TMEM132C: variants seen among roughly 807,000 people sequenced by gnomAD.
TMEM132C encodes the protein transmembrane protein 132C.
TMEM132C carries 29 observed loss-of-function variants against 61.4 expected under a neutral mutation model. The observed-to-expected ratio is 0.47, with a 90% CI of 0.35 to 0.64. The LOEUF is 0.64. Among genes scored for constraint, TMEM132C ranks in the 30% least tolerant of loss-of-function variants. The pLI is 0.00. For missense variants in TMEM132C, 1,408 were observed against 1,476.9 expected (o/e 0.95, Z 0.76); for synonymous variants, 656 against 633.1 (o/e 1.04, Z -0.54).
intron 2 of TMEM132C, among the ~76,000 whole-genome samples, chr12:128,530,547 G>T (rs947986445): frequency 6.6e-6 from 1 of 151,812 alleles, no homozygotes; most frequent in Non-Finnish European, 1.5e-5. Flanking sequence ...TTGTTCAAGC[G>T]CTTCTCCTGC....
In TMEM132C at chr12:128,598,959, A is replaced by G. The variant is rs150384272; in HGVS notation, c.1122-17193A>G. 2.0e-3 allele frequency among the ~76,000 whole-genome samples: 298 copies of G among 151,912 alleles called. 1 individual carries two copies. Among genetic ancestry groups the G allele is most frequent in the Middle Eastern group, 3.4e-3 (1 of 292 alleles). On this transcript the variant is annotated intron_variant, in intron 3 of 8. Coordinates refer to ENST00000435159, the MANE Select transcript of TMEM132C (RefSeq NM_001136103.3). ...TCGTTGAGTGATCCCTGCAAACTAC[A>G]TTTTCCGGACCCCTTGCCAACTGGA... is the stretch of plus-strand genomic sequence containing the variant.
At chr12:128,316,100 CA>C (rs1164681262) in intron 1 of TMEM132C, among the ~76,000 whole-genome samples, 6 of 151,846 alleles carry the variant, frequency 4.0e-5, no homozygotes, top group Non-Finnish European at 8.8e-5. Flanking sequence ...ATCCCCCAAG[CA>C]GGAGAAAGGA....
intron 1 of TMEM132C, among the ~76,000 whole-genome samples, chr12:128,386,491 C>G (rs1874586658): frequency 6.6e-6 from 1 of 152,194 alleles, no homozygotes; most frequent in Non-Finnish European, 1.5e-5. Context: ...CAAACCCAGA[C>G]CCTGCCTGGT....
chr12:128,465,939 C>A (rs534479354), intron 2 of TMEM132C, among the ~76,000 whole-genome samples: 76 of 152,020 alleles, frequency 5.0e-4, no homozygotes, highest in African/African-American at 1.6e-3. Context: ...TAAGGGAAGG[C>A]GAGTGAAGCA....
intron 3 of TMEM132C, among the ~76,000 whole-genome samples, chr12:128,550,781 T>C (rs1874147345): frequency 2.6e-5 from 4 of 152,234 alleles, no homozygotes; most frequent in Admixed American, 1.3e-4. Flanking sequence ...TGGGGTTGGC[T>C]CTGTCATCCT....
rs1868733018 is a variant in TMEM132C, at chr12:128,415,334, T to C, written c.688T>C (p.Tyr230His). The C allele has an allele frequency of 2.5e-6, 4 of 1,586,584 alleles. No individual in the cohort carries two copies. The highest frequency in any genetic ancestry group is 1.7e-4 in the Middle Eastern group (1 of 6,054). Residue 230 changes from tyrosine (Y) to histidine (H), a missense_variant, in exon 2 of 9, where the codon TAC becomes CAC. Coordinates refer to ENST00000435159, the MANE Select transcript of TMEM132C (RefSeq NM_001136103.3). This position sits in a 1 kb window ranked among gnomAD's most constrained non-coding sequence, Gnocchi z 5.8. ...GGAGGGGACCCCTGTGGAGCTCTAC[T>C]ACACCGTGCACCCAGGAAACGAGCG... ...QPEGTPVELY[Y>H]TVHPGNERGD...
At chr12:128,448,561 G>T (rs906647285) in intron 2 of TMEM132C, among the ~76,000 whole-genome samples, 1 of 152,090 alleles carries the variant, frequency 6.6e-6, no homozygotes, top group African/African-American at 2.4e-5. Flanking sequence ...CCAATGCCCG[G>T]GATTGGAACT....
chr12:128,683,110 G>A (rs141514247), intron 5 of TMEM132C, among the ~76,000 whole-genome samples: 2 of 152,174 alleles, frequency 1.3e-5, no homozygotes, highest in African/African-American at 2.4e-5. Context: ...CGCGTGGTGC[G>A]GTCAGATCTG....
chr12:128,327,765 G>A (rs1872571348), intron 1 of TMEM132C, among the ~76,000 whole-genome samples: 1 of 152,060 alleles, frequency 6.6e-6, no homozygotes, highest in African/African-American at 2.4e-5. Flanking sequence ...GTCCAGAAAG[G>A]CACAACAGCT....
chr12:128,549,805 C>T (rs1213525250), intron 3 of TMEM132C, among the ~76,000 whole-genome samples: 2 of 152,130 alleles, frequency 1.3e-5, no homozygotes, highest in Non-Finnish European at 2.9e-5. Context: ...GCATCTAATC[C>T]TCCTTCAAGC....
intron 3 of TMEM132C, among the ~76,000 whole-genome samples, chr12:128,586,429 A>G (rs1875551868): frequency 6.6e-6 from 1 of 151,690 alleles, no homozygotes; most frequent in South Asian, 2.1e-4. Context: ...AGCCGTATAT[A>G]TTTAGCAATC....
In TMEM132C at chr12:128,280,785, T is replaced by C. The variant is rs139712160; in HGVS notation, c.85+13298T>C. On this transcript the variant is annotated intron_variant, in intron 1 of 8. Transcript: ENST00000435159. ...GAGGGGTCAAATATCTCTCTCTCAA[T>C]AATCCCAGCAAAAGTCATACTGTGT... is the stretch of plus-strand genomic sequence containing the variant. Among the ~76,000 whole-genome samples the C allele has an allele frequency of 2.1e-4, 32 of 152,280 alleles. No homozygotes were observed. In the East Asian group the frequency reaches 2.7e-3, roughly 13 times the overall value.
At chr12:128,688,065 G>A (rs1012383570) in intron 5 of TMEM132C, among the ~76,000 whole-genome samples, 6 of 152,214 alleles carry the variant, frequency 3.9e-5, no homozygotes, top group African/African-American at 1.2e-4. Context: ...ATGAGGAAAC[G>A]TGGGCAGAGC....
intron 8 of TMEM132C, among the ~76,000 whole-genome samples, chr12:128,704,638 A>G (rs1427778167): frequency 6.6e-6 from 1 of 152,092 alleles, no homozygotes; most frequent in Non-Finnish European, 1.5e-5. Context: ...CTGCCCATCA[A>G]CCTTTGTCAT....
chr12:128,627,631 C>A (rs1000724148), intron 4 of TMEM132C, among the ~76,000 whole-genome samples: 2 of 152,192 alleles, frequency 1.3e-5, no homozygotes, highest in Non-Finnish European at 2.9e-5. Context: ...GCACCCCAGG[C>A]ATTATCTTGT....
chr12:128,372,212 C>T (rs945552504), intron 1 of TMEM132C, among the ~76,000 whole-genome samples: 3 of 152,144 alleles, frequency 2.0e-5, no homozygotes, highest in Non-Finnish European at 2.9e-5. Context: ...ACATTGAGTC[C>T]GTGGAGTTAG....
chr12:128,609,715 A>G (rs1270071188), intron 3 of TMEM132C, among the ~76,000 whole-genome samples: 6 of 152,120 alleles, frequency 3.9e-5, no homozygotes, highest in African/African-American at 1.4e-4. Flanking sequence ...TTCCTCTGTA[A>G]AAGGCCAGAT....
chr12:128,579,536 T>G (rs534833078), intron 3 of TMEM132C, among the ~76,000 whole-genome samples: 4 of 152,182 alleles, frequency 2.6e-5, no homozygotes, highest in African/African-American at 9.7e-5. Flanking sequence ...ATTCTCTTTG[T>G]TGGAGCATCC....
At chr12:128,381,549 C>G (rs1226532873) in intron 1 of TMEM132C, among the ~76,000 whole-genome samples, 1 of 152,146 alleles carries the variant, frequency 6.6e-6, no homozygotes, top group Non-Finnish European at 1.5e-5. Context: ...TATAACCGAC[C>G]AGCAAACCTA....
Sources: gnomAD v4.1 joint callset for allele counts (sites outside exome capture counted in the v4.1 genomes callset) on GRCh38, gnomAD v4.1.1 for gene constraint, Gnocchi (gnomAD v3.1) non-coding constraint, MANE v1.5 for transcripts, NCBI Gene and HGNC (gene_info 2026-07-23, HGNC 2026-07-21) for gene names.